DNMT3A: variants seen among roughly 807,000 people sequenced by gnomAD.
DNMT3A encodes the protein DNA (cytosine-5)-methyltransferase 3A.
Under a neutral mutation model 117.6 loss-of-function variants are expected in DNMT3A, and 267 were observed. The observed-to-expected ratio is 2.27, with a 90% confidence interval of 2.05 to 2.51. The LOEUF is 2.51. Among genes scored for constraint, DNMT3A ranks in the 30% most tolerant of loss-of-function variants. The pLI, the probability that DNMT3A is intolerant of heterozygous loss-of-function variation, is 0.00. For missense variants in DNMT3A, 1,029 were observed against 1,260.2 expected (o/e 0.82, Z 2.78); for synonymous variants, 432 against 474.8 (o/e 0.91, Z 1.17).
At chr2:25,275,374 C>T in intron 5 of DNMT3A, 126 bp downstream of exon 5, 1 of 1,386,216 alleles carries the variant, frequency 7.2e-7, no homozygotes, top group Non-Finnish European at 9.9e-7. Flanking sequence ...CACTTCCTCT[C>T]CTTCCCACAG....
chr2:25,260,880 G>C (rs985832048), intron 6 of DNMT3A, among the ~76,000 whole-genome samples: 2 of 152,218 alleles, frequency 1.3e-5, no homozygotes, highest in African/African-American at 4.8e-5. Context: ...TGTAATTCCA[G>C]CTACTTGGGA....
chr2:25,319,099 CCACCTCCCG>C (rs1342478334), intron 1 of DNMT3A, among the ~76,000 whole-genome samples: 1 of 150,638 alleles, frequency 6.6e-6, no homozygotes, highest in African/African-American at 2.4e-5. Flanking sequence ...ACTGCAACCT[CCACCTCCCG>C]GGTTCATGCC....
At chr2:25,323,429 TC>T (rs2034672852) in intron 1 of DNMT3A, among the ~76,000 whole-genome samples, 1 of 152,090 alleles carries the variant, frequency 6.6e-6, no homozygotes, top group South Asian at 2.1e-4. Context: ...CTAATCTCAG[TC>T]CCCTCCAGGG....
intron 2 of DNMT3A, among the ~76,000 whole-genome samples, chr2:25,310,226 G>A (rs1197075156): frequency 6.6e-6 from 1 of 152,000 alleles, no homozygotes; most frequent in African/African-American, 2.4e-5. Flanking sequence ...GGGGATCTGA[G>A]GTGGCCCTTG....
intron 1 of DNMT3A, among the ~76,000 whole-genome samples, chr2:25,322,195 T>C (rs1573495043): frequency 6.6e-6 from 1 of 152,194 alleles, no homozygotes; most frequent in Admixed American, 6.5e-5. Flanking sequence ...TCTTAAATTA[T>C]ATGCATGTAC....
chr2:25,270,695 GC>G (rs1400465680), intron 6 of DNMT3A, among the ~76,000 whole-genome samples: 1 of 152,080 alleles, frequency 6.6e-6, no homozygotes, highest in Non-Finnish European at 1.5e-5. Flanking sequence ...TGGGGATGCA[GC>G]TAACAGAGGT....
Position 25,311,918 on chromosome 2 carries a change from C to T in DNMT3A, c.72+1995G>A, listed in dbSNP as rs568086883. On this transcript the variant is annotated intron_variant, in intron 2 of 22. Coordinates refer to ENST00000321117, the MANE Select transcript of DNMT3A (RefSeq NM_022552.5). The surrounding 1 kb of genome is among the most constrained non-coding windows in gnomAD (Gnocchi z 5.2). ...AGTCCTGAGCTATTATAATGCAGAT[C>T]CTGACCTGCTCCCGTCCATTGGTGG... Among the ~76,000 whole-genome samples, 1 of 152,298 alleles carries T rather than the reference C, an allele frequency of 6.6e-6. No homozygotes were observed. Among genetic ancestry groups the T allele is most frequent in the South Asian group, 2.1e-4 (1 of 4,824 alleles).
Position 25,247,121 on chromosome 2 carries a change from CA to C in DNMT3A, c.1051del (p.Cys351AlafsTer56), listed in dbSNP as rs1558671236. The C allele has an allele frequency of 1.2e-6, 2 of 1,614,036 alleles. No homozygotes were observed. Among genetic ancestry groups the C allele is most frequent in the Non-Finnish European group, 8.5e-7 (1 of 1,179,968 alleles). ...VEKLMPLSSF[C>X]SAFHQATYNK... ...GTACGTGGCCTGGTGGAACGCACTG[CA>C]AAACGAGCTCAGCGGCATCAGCTTC... On this transcript the variant is annotated frameshift_variant, in exon 9 of 23. Transcript: ENST00000321117. LOFTEE classifies it high-confidence loss of function. This position sits in a 1 kb window ranked among gnomAD's most constrained non-coding sequence, Gnocchi z 5.6.
intron 6 of DNMT3A, 106 bp from the exon 7 acceptor site, chr2:25,248,358 A>C: frequency 7.6e-7 from 1 of 1,309,664 alleles, no homozygotes; most frequent in South Asian, 1.3e-5. Context: ...CAGTGACAGA[A>C]GGTCAAGGGC....
chr2:25,250,237 A>ATTGTC (rs1444784010), intron 6 of DNMT3A, among the ~76,000 whole-genome samples: 1 of 152,180 alleles, frequency 6.6e-6, no homozygotes, highest in Admixed American at 6.5e-5. Context: ...GGTCCAATGT[A>ATTGTC]TTGTCTTACA....
At chr2:25,292,308 C>T (rs1324697553) in intron 3 of DNMT3A, among the ~76,000 whole-genome samples, 1 of 152,104 alleles carries the variant, frequency 6.6e-6, no homozygotes, top group Admixed American at 6.5e-5. Context: ...CGAGATCGCA[C>T]CACTGCACTC....
chr2:25,279,090 G>A (rs542356106), intron 4 of DNMT3A, among the ~76,000 whole-genome samples: 5 of 152,246 alleles, frequency 3.3e-5, no homozygotes, highest in East Asian at 1.9e-4. Context: ...AAGCCACATC[G>A]CCACTGCCAC....
chr2:25,274,663 GC>G lies in DNMT3A; in HGVS notation c.639+277del, dbSNP rs1487658970. On this transcript the variant is annotated intron_variant, in intron 6 of 22. Coordinates refer to ENST00000321117, the MANE Select transcript of DNMT3A (RefSeq NM_022552.5). ...CAGGCCTCTGCTATCTTCTATTTCA[GC>G]CCCTTGTTTCTTTATGTTCTGCCTG... Among the ~76,000 whole-genome samples, 8 of 152,272 alleles carry G rather than the reference GC, an allele frequency of 5.3e-5. No individual in the cohort carries two copies. The South Asian group carries it at 1.7e-3, about 32-fold the overall frequency.
At chr2:25,342,391 G>A (rs926004366), upstream of DNMT3A, 1 of 152,012 alleles carries the variant, frequency 6.6e-6, no homozygotes, top group African/African-American at 2.4e-5. This position sits in a 1 kb window ranked among gnomAD's most constrained non-coding sequence, Gnocchi z 5.9. Context: ...CGAGCTCCGG[G>A]CCTCGCCGCA....
At chr2:25,328,757 A>C (rs1195828037) in intron 1 of DNMT3A, 4 of 482,074 alleles carry the variant, frequency 8.3e-6, no homozygotes, top group Non-Finnish European at 1.7e-5. Flanking sequence ...CCCCCAAGGC[A>C]CTGCGTCAGT....
rs186363382 is a variant in DNMT3A, at chr2:25,277,891, C to G, written c.449-2348G>C. On this transcript the variant is annotated intron_variant, in intron 4 of 22. Transcript: ENST00000321117. ...TCAATGTGACCCCCTTCCTAATTTCCCAGCCCCCCAAGCTCCCCAAAACAG... is the reference window on the plus strand; with the variant it reads ...TCAATGTGACCCCCTTCCTAATTTCGCAGCCCCCCAAGCTCCCCAAAACAG... 5.4e-3 allele frequency among the ~76,000 whole-genome samples: 814 copies of G among 151,894 alleles called. 9 individuals are homozygous for G. The highest frequency in any genetic ancestry group is 0.018 in the African/African-American group (736 of 41,386).
chr2:25,293,740 C>T lies in DNMT3A; in HGVS notation c.177+6399G>A, dbSNP rs955776173. ...AGGCTGGAGTGCAGTGGCACAATCT[C>T]GGCTCACTGCAACCTCTGCCTGCCC... On this transcript the variant is annotated intron_variant, in intron 3 of 22. Transcript: ENST00000321117. The surrounding 1 kb of genome is among the most constrained non-coding windows in gnomAD (Gnocchi z 4.7). Among the ~76,000 whole-genome samples, 3 of 152,146 alleles carry T rather than the reference C, an allele frequency of 2.0e-5. No individual in the cohort carries two copies. Among genetic ancestry groups the T allele is most frequent in the Non-Finnish European group, 2.9e-5 (2 of 68,016 alleles).
Position 25,244,534 on chromosome 2 carries a change from C to T in DNMT3A, c.1667+6G>A. ...AGGAGACCACTGGAGGCCACAACAG[C>T]CTCACCTGCAGCAGTTGTTGTTTCC... On this transcript the variant is annotated splice_donor_region_variant and intron_variant, in intron 14 of 22. Transcript: ENST00000321117. 1.9e-6 allele frequency: 3 copies of T among 1,614,078 alleles called. No individual in the cohort carries two copies. The highest frequency in any genetic ancestry group is 2.5e-6 in the Non-Finnish European group (3 of 1,179,956).
chr2:25,248,123 T>TG lies in DNMT3A; in HGVS notation c.768dup (p.Thr257HisfsTer7). 1.2e-6 allele frequency: 2 copies of TG among 1,613,656 alleles called. No individual in the cohort carries two copies. Among genetic ancestry groups the TG allele is most frequent in the Non-Finnish European group, 1.7e-6 (2 of 1,179,934 alleles). Reference sequence around the variant, plus strand: ...ACGGGCTCAGGCGTGGTAGCCACAGTGGGGGATGCGGGGTCAGTGGGCTGC... The same window carrying TG: ...ACGGGCTCAGGCGTGGTAGCCACAGTGGGGGGATGCGGGGTCAGTGGGCTGC... On this transcript the variant is annotated frameshift_variant, in exon 7 of 23. Transcript: ENST00000321117. LOFTEE classifies it high-confidence loss of function.
Sources: gnomAD v4.1 joint callset for allele counts (sites outside exome capture counted in the v4.1 genomes callset) on GRCh38, gnomAD v4.1.1 for gene constraint, Gnocchi (gnomAD v3.1) non-coding constraint, MANE v1.5 for transcripts, NCBI Gene and HGNC (gene_info 2026-07-23, HGNC 2026-07-21) for gene names.